FOXP2: variants seen among roughly 807,000 people sequenced by gnomAD.
FOXP2 encodes forkhead box protein P2.
Under a neutral mutation model 115.8 loss-of-function variants are expected in FOXP2, and 12 were observed. The ratio of observed to expected loss-of-function variants is 0.10; its 90% CI spans 0.07 to 0.17. FOXP2 has a LOEUF of 0.17. Ranked by LOEUF, FOXP2 falls within the 10% of genes least tolerant of loss-of-function variation. The pLI is 1.00. For missense variants in FOXP2, 629 were observed against 843.5 expected, an observed-to-expected ratio of 0.75 and a Z score of 3.15; for synonymous variants, 328 against 297.7, an observed-to-expected ratio of 1.10 and a Z score of -1.05.
intron 2 of FOXP2, among the ~76,000 whole-genome samples, chr7:114,433,124 G>A (rs1273709012): frequency 1.3e-5 from 2 of 151,902 alleles, no homozygotes; most frequent in Non-Finnish European, 2.9e-5. Flanking sequence ...CTAGGGTGAC[G>A]TTTATAATAC....
rs373391665 is a variant in FOXP2, at chr7:114,290,525, T to C, written c.-11+2416T>C. ...AAATTTCATAAATACTTATTAAAGA[T>C]TAGGTATCATATGAAAAATATTTGC... On this transcript the variant is annotated intron_variant, in intron 2 of 17. Coordinates refer to the FOXP2 transcript ENST00000634411. 2.4e-4 allele frequency among the ~76,000 whole-genome samples: 36 copies of C among 152,184 alleles called. No individual in the cohort carries two copies. The South Asian group carries it at 5.6e-3, about 24-fold the overall frequency.
At chr7:114,344,102 ATTTG>A (rs1791281980) in intron 2 of FOXP2, among the ~76,000 whole-genome samples, 1 of 151,596 alleles carries the variant, frequency 6.6e-6, no homozygotes, top group Non-Finnish European at 1.5e-5. Flanking sequence ...CTTGGTCAAT[ATTTG>A]TTTATCAAAT....
intron 1 of FOXP2, among the ~76,000 whole-genome samples, chr7:114,270,669 A>G (rs1796012431): frequency 1.3e-5 from 2 of 151,658 alleles, no homozygotes; most frequent in African/African-American, 4.8e-5. Context: ...TTTTTTTCTT[A>G]TTGTTGAGTT....
At chr7:114,585,097 C>T (rs1234710629) in intron 3 of FOXP2, among the ~76,000 whole-genome samples, 1 of 152,036 alleles carries the variant, frequency 6.6e-6, no homozygotes, top group Non-Finnish European at 1.5e-5. Flanking sequence ...ATTTTTCTTC[C>T]ATGTCTCATC....
chr7:114,639,513 A>G (rs1805407542), intron 6 of FOXP2, among the ~76,000 whole-genome samples: 1 of 149,754 alleles, frequency 6.7e-6, no homozygotes. Flanking sequence ...GGTTTCAGAA[A>G]CTGTTACATG....
chr7:114,287,429 G>T (rs1184354618), intron 1 of FOXP2, among the ~76,000 whole-genome samples: 7 of 151,930 alleles, frequency 4.6e-5, no homozygotes, highest in African/African-American at 1.7e-4. Flanking sequence ...TCTAAGAAAG[G>T]TGTGAGCTAA....
intron 1 of FOXP2, among the ~76,000 whole-genome samples, chr7:114,234,389 T>C (rs1329359912): frequency 6.6e-6 from 1 of 152,184 alleles, no homozygotes; most frequent in East Asian, 1.9e-4. Context: ...TTAAGCATTA[T>C]TGTGGTATTT....
At position 114,585,950 on chromosome 7, in the gene FOXP2, G is replaced by T. The variant is rs561733787; in HGVS notation, c.259-42590G>T. 3.9e-5 allele frequency among the ~76,000 whole-genome samples: 6 copies of T among 152,254 alleles called. 1 individual carries two copies. Among genetic ancestry groups the T allele is most frequent in the Admixed American group, 3.9e-4 (6 of 15,268 alleles). On this transcript the variant is annotated intron_variant, in intron 3 of 16. Coordinates refer to ENST00000350908, the MANE Select transcript of FOXP2 (RefSeq NM_014491.4). The stretch of plus-strand genomic sequence containing the variant: ...CTGAGGAGAACACGATTTTATGATT[G>T]TGTGTTTTCATGGTCTATGAATATA...
intron 2 of FOXP2, among the ~76,000 whole-genome samples, chr7:114,467,733 A>T (rs1275620200): frequency 6.6e-6 from 1 of 152,180 alleles, no homozygotes; most frequent in African/African-American, 2.4e-5. Flanking sequence ...AGAAAAATCA[A>T]AAGGAATTTA....
At chr7:114,447,733 C>A (rs1794899145) in intron 2 of FOXP2, among the ~76,000 whole-genome samples, 1 of 152,092 alleles carries the variant, frequency 6.6e-6, no homozygotes, top group Non-Finnish European at 1.5e-5. Context: ...TACCCCCGAC[C>A]CATACACAAA....
intron 3 of FOXP2, among the ~76,000 whole-genome samples, chr7:114,541,587 T>G (rs548103833): frequency 6.6e-6 from 1 of 152,004 alleles, no homozygotes; most frequent in Non-Finnish European, 1.5e-5. Context: ...AGTAATGTGA[T>G]CAATAATGAA....
At chr7:114,490,543 T>C (rs1401354868) in intron 2 of FOXP2, among the ~76,000 whole-genome samples, 1 of 152,054 alleles carries the variant, frequency 6.6e-6, no homozygotes, top group Non-Finnish European at 1.5e-5. Context: ...TTAGGGTACA[T>C]GTGCACAATG....
intron 1 of FOXP2, among the ~76,000 whole-genome samples, chr7:114,235,711 T>C (rs1794991357): frequency 6.6e-6 from 1 of 152,214 alleles, no homozygotes; most frequent in South Asian, 2.1e-4. Flanking sequence ...GCAAGTTTGG[T>C]TAAGCCTCCA....
chr7:114,518,858 T>A (rs1798474606), intron 2 of FOXP2, among the ~76,000 whole-genome samples: 1 of 152,176 alleles, frequency 6.6e-6, no homozygotes, highest in East Asian at 1.9e-4. Context: ...TTGTTAGTTA[T>A]TTGCTATCAT....
intron 1 of FOXP2, among the ~76,000 whole-genome samples, chr7:114,127,147 C>T (rs950407010): frequency 6.6e-6 from 1 of 152,104 alleles, no homozygotes; most frequent in Non-Finnish European, 1.5e-5. Context: ...GCCTTTGTTC[C>T]TTGCTGGTTG....
intron 2 of FOXP2, among the ~76,000 whole-genome samples, chr7:114,408,269 AT>A (rs1455559068): frequency 1.3e-5 from 2 of 152,104 alleles, no homozygotes; most frequent in Non-Finnish European, 2.9e-5. Context: ...TTTAGGCCTT[AT>A]TTTTTAGATC....
chr7:114,119,067 G>A (rs752952485), intron 1 of FOXP2, among the ~76,000 whole-genome samples: 1 of 152,158 alleles, frequency 6.6e-6, no homozygotes, highest in Non-Finnish European at 1.5e-5. Context: ...ATTCCCATGA[G>A]TGAAAAAATA....
chr7:114,086,661 C>A, upstream of FOXP2: 1 of 332,304 alleles, frequency 3.0e-6, no homozygotes, highest in Non-Finnish European at 6.0e-6. Context: ...GCACCCCACC[C>A]TGTCCCAGCC....
At chr7:114,165,902 T>C (rs754371107) in intron 1 of FOXP2, among the ~76,000 whole-genome samples, 24 of 152,196 alleles carry the variant, frequency 1.6e-4, no homozygotes, top group Non-Finnish European at 1.5e-4. Context: ...AATATGGTAT[T>C]GTTGAAAGAA....
Sources: allele counts gnomAD v4.1 joint callset (sites outside exome capture counted in the v4.1 genomes callset), GRCh38; gene constraint gnomAD v4.1.1; transcripts MANE v1.5; gene names NCBI Gene and HGNC (gene_info 2026-07-23, HGNC 2026-07-21).